Variants in LRFN5 observed in about 807,000 individuals in gnomAD.
LRFN5 encodes the protein leucine rich repeat and fibronectin type III domain containing 5.
In LRFN5, 24 loss-of-function variants were observed where a neutral mutation model predicts 45.6. The observed-to-expected ratio is 0.53, with a 90% CI of 0.38 to 0.74. LRFN5 has a LOEUF of 0.74. Among genes scored for constraint, LRFN5 ranks in the 30% least tolerant of loss-of-function variants. LRFN5 has a pLI of 0.00. For synonymous variants in LRFN5, 340 were observed against 313.8 expected, an observed-to-expected ratio of 1.08 and a Z score of -0.88; for missense variants, 776 against 861.5, an observed-to-expected ratio of 0.90 and a Z score of 1.24.
chr14:41,808,613 C>T (rs570517043), intron 2 of LRFN5, among the ~76,000 whole-genome samples: 1 of 151,100 alleles, frequency 6.6e-6, no homozygotes. Context: ...AAGGAAGGGA[C>T]CTATGAAATT....
At chr14:41,738,076 C>T (rs1210482151) in intron 1 of LRFN5, among the ~76,000 whole-genome samples, 1 of 152,130 alleles carries the variant, frequency 6.6e-6, no homozygotes, top group African/African-American at 2.4e-5. Flanking sequence ...GGAGGCATCA[C>T]ATTACCTGAC....
Position 41,623,712 on chromosome 14 carries a change from CTTATA to C in LRFN5, c.-197+15155_-197+15159del, listed in dbSNP as rs1252898933. 2.0e-5 allele frequency among the ~76,000 whole-genome samples: 3 copies of C among 152,150 alleles called. No homozygotes were observed. The East Asian group carries it at 5.8e-4, about 29-fold the overall frequency. ...ATTGGAAACTGTAGGGCAGTATCAA[CTTATA>C]TTATTATTATATTTTAATTGCACTG... On this transcript the variant is annotated intron_variant, in intron 1 of 5. Transcript: ENST00000298119.
intron 1 of LRFN5, among the ~76,000 whole-genome samples, chr14:41,761,662 T>G (rs2121704): frequency 0.57 from 86,269 of 151,876 alleles, 25,161 homozygotes; most frequent in East Asian, 0.94. Flanking sequence ...GGGATGAAGA[T>G]GTGCCAAAGT....
chr14:41,721,691 G>C (rs1334976909), intron 1 of LRFN5, among the ~76,000 whole-genome samples: 1 of 152,118 alleles, frequency 6.6e-6, no homozygotes, highest in Admixed American at 6.6e-5. Context: ...CTGAAAAAAG[G>C]CTTCCAGTCT....
intron 2 of LRFN5, among the ~76,000 whole-genome samples, chr14:41,863,612 C>A (rs1267404908): frequency 1.3e-5 from 2 of 152,146 alleles, no homozygotes; most frequent in Non-Finnish European, 1.5e-5. Context: ...AGTTTAATTG[C>A]ACTGCAGTAT....
chr14:41,752,275 T>C (rs1194951586), intron 1 of LRFN5, among the ~76,000 whole-genome samples: 3 of 152,196 alleles, frequency 2.0e-5, no homozygotes, highest in Admixed American at 6.5e-5. Context: ...TTTGAGTATA[T>C]ATCCAGTAAT....
intron 2 of LRFN5, among the ~76,000 whole-genome samples, chr14:41,848,612 G>A (rs17112316): frequency 0.59 from 88,869 of 151,708 alleles, 26,196 homozygotes; most frequent in African/African-American, 0.64. Flanking sequence ...CATGGGATCA[G>A]GACAAGAAAC....
At chr14:41,841,616 T>G (rs1888862760) in intron 2 of LRFN5, among the ~76,000 whole-genome samples, 1 of 151,940 alleles carries the variant, frequency 6.6e-6, no homozygotes, top group African/African-American at 2.4e-5. Context: ...AATCCTCTTC[T>G]TGATGGTCTC....
intron 1 of LRFN5, among the ~76,000 whole-genome samples, chr14:41,645,696 A>G (rs1048688757): frequency 1.3e-5 from 2 of 152,158 alleles, no homozygotes; most frequent in African/African-American, 4.8e-5. Context: ...GTCATGATTC[A>G]TCTTTCTTAC....
chr14:41,891,111 T>C (rs1300019871), intron 3 of LRFN5, 139 bp from the exon 4 acceptor site: 1 of 713,094 alleles, frequency 1.4e-6, no homozygotes. Context: ...AAATATGAGA[T>C]TAGATCATTT....
rs1346874435 is a variant in LRFN5 at position 41,606,981 on chromosome 14, G to T, written c.-1778G>T. On this transcript the variant is annotated 5_prime_UTR_variant, in exon 1 of 6. Coordinates refer to ENST00000298119, the MANE Select transcript of LRFN5 (RefSeq NM_152447.5). ...TTTGGGAAGCCCAGCTCCCGGGTCC[G>T]CCCCGGCCGCGGCCGCAGCCCCGGA... Among the ~76,000 whole-genome samples, 2 of 152,008 alleles carry T rather than the reference G, an allele frequency of 1.3e-5. No individual in the cohort carries two copies. The highest frequency in any genetic ancestry group is 2.9e-5 in the Non-Finnish European group (2 of 67,966).
intron 1 of LRFN5, among the ~76,000 whole-genome samples, chr14:41,751,677 C>A (rs1388111013): frequency 6.6e-6 from 1 of 152,082 alleles, no homozygotes; most frequent in African/African-American, 2.4e-5. Flanking sequence ...CCTTAAGTAT[C>A]TTACTAAAGG....
chr14:41,828,421 A>G (rs1414149261), intron 2 of LRFN5, among the ~76,000 whole-genome samples: 1 of 152,012 alleles, frequency 6.6e-6, no homozygotes, highest in African/African-American at 2.4e-5. Flanking sequence ...CACAACTTCT[A>G]CCCTAAAGCA....
At chr14:41,796,714 C>T in intron 2 of LRFN5, among the ~76,000 whole-genome samples, 1 of 151,814 alleles carries the variant, frequency 6.6e-6, no homozygotes, top group East Asian at 1.9e-4. Flanking sequence ...GCATGAATCT[C>T]TGATCTTATT....
chr14:41,680,712 C>G (rs549239050), intron 1 of LRFN5, among the ~76,000 whole-genome samples: 2 of 152,028 alleles, frequency 1.3e-5, no homozygotes, highest in Non-Finnish European at 2.9e-5. Context: ...TCTTTAATTC[C>G]AGAAACTGAT....
intron 2 of LRFN5, among the ~76,000 whole-genome samples, chr14:41,867,602 G>C (rs1889882511): frequency 6.6e-6 from 1 of 152,132 alleles, no homozygotes; most frequent in Non-Finnish European, 1.5e-5. Context: ...TGGTGTTGAT[G>C]CTTCATGTGT....
At chr14:41,866,967 A>G (rs1018454732) in intron 2 of LRFN5, among the ~76,000 whole-genome samples, 1 of 152,136 alleles carries the variant, frequency 6.6e-6, no homozygotes, top group African/African-American at 2.4e-5. Flanking sequence ...GCTCTTATTT[A>G]TGTAGTTGTC....
At chr14:41,773,028 G>A (rs1886147240) in intron 2 of LRFN5, among the ~76,000 whole-genome samples, 1 of 152,148 alleles carries the variant, frequency 6.6e-6, no homozygotes, top group Non-Finnish European at 1.5e-5. Context: ...GACAGAGAGA[G>A]CTTACAAAAC....
intron 1 of LRFN5, among the ~76,000 whole-genome samples, chr14:41,683,204 A>C (rs1352258300): frequency 6.6e-6 from 1 of 152,222 alleles, no homozygotes; most frequent in Non-Finnish European, 1.5e-5. Context: ...TATCAATAGA[A>C]TGAAGGAAAA....
Sources: gnomAD v4.1 joint callset for allele counts (sites outside exome capture counted in the v4.1 genomes callset) on GRCh38, gnomAD v4.1.1 for gene constraint, MANE v1.5 for transcripts, NCBI Gene and HGNC (gene_info 2026-07-23, HGNC 2026-07-21) for gene names.